The following FSHR variants were observed in gnomAD, a reference collection of about 807,000 sequenced individuals.
The protein encoded by FSHR is follicle-stimulating hormone receptor.
FSHR carries 46 observed loss-of-function variants against 52.1 expected under a neutral mutation model. That is an observed-to-expected ratio of 0.88 (90% CI 0.70 to 1.13). The LOEUF (loss-of-function observed/expected upper bound fraction) is 1.13, where lower values mean the gene tolerates loss of function less well. Ranked by LOEUF, FSHR falls within the 50% of genes most tolerant of loss-of-function variation. FSHR has a pLI of 0.00. For synonymous variants in FSHR, 399 were observed against 309.6 expected, an observed-to-expected ratio of 1.29 and a Z score of -3.03; for missense variants, 964 against 834.6, an observed-to-expected ratio of 1.16 and a Z score of -1.91.
At chr2:48,988,423 A>G (rs572019778) in intron 6 of FSHR, among the ~76,000 whole-genome samples, 29 of 152,244 alleles carry the variant, frequency 1.9e-4, no homozygotes, top group Non-Finnish European at 3.5e-4. Context: ...TACAGGGGCT[A>G]CTGGCATAAA....
chr2:49,132,985 A>AAAAAAAAAAG (rs1253513045), intron 1 of FSHR, among the ~76,000 whole-genome samples: 1 of 150,196 alleles, frequency 6.7e-6, no homozygotes, highest in African/African-American at 2.4e-5. Flanking sequence ...AAAAAAAAAA[A>AAAAAAAAAAG]AAAAAAAAAA....
intron 4 of FSHR, among the ~76,000 whole-genome samples, chr2:49,002,851 A>C (rs1490560583): frequency 6.6e-6 from 1 of 152,120 alleles, no homozygotes; most frequent in Non-Finnish European, 1.5e-5. Context: ...CCTGTAAAGA[A>C]AAGAGCTTAT....
chr2:49,062,345 G>C (rs74470037), intron 2 of FSHR, among the ~76,000 whole-genome samples: 9,410 of 152,152 alleles, frequency 0.062, 390 homozygotes, highest in Non-Finnish European at 0.093. Flanking sequence ...GTTGTGCTGG[G>C]ACAACTGGAT....
At chr2:49,071,127 T>C (rs1184546314) in intron 1 of FSHR, among the ~76,000 whole-genome samples, 8 of 152,246 alleles carry the variant, frequency 5.3e-5, no homozygotes, top group East Asian at 1.9e-4. Flanking sequence ...TAGAAAAGTA[T>C]AGAATATGGA....
chr2:49,104,492 GATAGAAA>G (rs1172932712), intron 1 of FSHR, among the ~76,000 whole-genome samples: 23 of 152,218 alleles, frequency 1.5e-4, no homozygotes, highest in African/African-American at 5.3e-4. Flanking sequence ...TTTTCTTTTA[GATAGAAA>G]GAAAAGCTTA....
At chr2:49,036,786 A>C (rs1038210249) in intron 2 of FSHR, among the ~76,000 whole-genome samples, 1 of 152,230 alleles carries the variant, frequency 6.6e-6, no homozygotes, top group Non-Finnish European at 1.5e-5. Context: ...ACAAAGACTA[A>C]AACAGTGATG....
At chr2:49,115,989 C>T (rs191924165) in intron 1 of FSHR, among the ~76,000 whole-genome samples, 15 of 152,024 alleles carry the variant, frequency 9.9e-5, no homozygotes, top group African/African-American at 3.1e-4. Context: ...CCTAATCCTG[C>T]GTTTGATTCA....
chr2:49,016,723 T>C (rs1186070706), intron 4 of FSHR, among the ~76,000 whole-genome samples: 3 of 152,174 alleles, frequency 2.0e-5, no homozygotes, highest in African/African-American at 7.2e-5. Flanking sequence ...TATCTTTGTG[T>C]AGTGGTTGGT....
intron 2 of FSHR, among the ~76,000 whole-genome samples, chr2:49,034,645 C>T (rs1668218223): frequency 6.6e-6 from 1 of 152,286 alleles, no homozygotes; most frequent in South Asian, 2.1e-4. Flanking sequence ...AACACATAAA[C>T]ACCTTTTTGG....
At chr2:49,104,553 C>G (rs1671156543) in intron 1 of FSHR, among the ~76,000 whole-genome samples, 1 of 152,098 alleles carries the variant, frequency 6.6e-6, no homozygotes, top group South Asian at 2.1e-4. Flanking sequence ...TCTAGTCAAG[C>G]TGTATTCTTG....
chr2:49,081,969 G>C (rs1287627745), intron 1 of FSHR, among the ~76,000 whole-genome samples: 1 of 152,170 alleles, frequency 6.6e-6, no homozygotes, highest in Non-Finnish European at 1.5e-5. Context: ...ATGATACTGG[G>C]TTCTGTGTTC....
At chr2:49,108,836 T>C (rs1177788652) in intron 1 of FSHR, among the ~76,000 whole-genome samples, 1 of 152,144 alleles carries the variant, frequency 6.6e-6, no homozygotes, top group Non-Finnish European at 1.5e-5. Flanking sequence ...AAGTTTTAGA[T>C]ATCTAATTAG....
intron 2 of FSHR, among the ~76,000 whole-genome samples, chr2:49,022,055 A>G (rs1667744508): frequency 6.6e-6 from 1 of 151,312 alleles, no homozygotes; most frequent in Non-Finnish European, 1.5e-5. Context: ...TGAATGCAGT[A>G]GAGTGAAAGA....
intron 1 of FSHR, among the ~76,000 whole-genome samples, chr2:49,104,831 C>T (rs971360583): frequency 7.1e-6 from 1 of 141,448 alleles, no homozygotes; most frequent in East Asian, 2.5e-4. Flanking sequence ...CCAGTGCCCC[C>T]TCTTGGTATG....
At chr2:48,980,323 C>A (rs1675190812) in intron 8 of FSHR, among the ~76,000 whole-genome samples, 1 of 152,126 alleles carries the variant, frequency 6.6e-6, no homozygotes, top group East Asian at 1.9e-4. Flanking sequence ...TCCCTTAATT[C>A]TAGACAGATG....
intron 1 of FSHR, among the ~76,000 whole-genome samples, chr2:49,134,232 AC>A (rs1419071412): frequency 6.6e-6 from 1 of 152,218 alleles, no homozygotes; most frequent in Non-Finnish European, 1.5e-5. Flanking sequence ...GAAAAAATCA[AC>A]CCCATCAAAA....
chr2:49,067,350 G>A (rs1252929792), intron 2 of FSHR, among the ~76,000 whole-genome samples: 1 of 152,030 alleles, frequency 6.6e-6, no homozygotes, highest in Admixed American at 6.6e-5. Flanking sequence ...ATTCTTAAAG[G>A]GATATAAAAG....
At chr2:49,042,457 G>C (rs537485876) in intron 2 of FSHR, among the ~76,000 whole-genome samples, 7 of 152,190 alleles carry the variant, frequency 4.6e-5, no homozygotes, top group Non-Finnish European at 1.0e-4. Context: ...CTCACAAGGG[G>C]CAGGGAAAAT....
intron 1 of FSHR, among the ~76,000 whole-genome samples, chr2:49,141,672 G>T (rs552188879): frequency 6.6e-6 from 1 of 152,222 alleles, no homozygotes; most frequent in African/African-American, 2.4e-5. Context: ...GGAGAAGAGT[G>T]CAGTGCTAAT....
Sources: allele counts gnomAD v4.1 joint callset (sites outside exome capture counted in the v4.1 genomes callset), GRCh38; gene constraint gnomAD v4.1.1; transcripts MANE v1.5; gene names NCBI Gene and HGNC (gene_info 2026-07-23, HGNC 2026-07-21).